Variants in PCOLCE observed in about 807,000 individuals in gnomAD.
PCOLCE encodes the protein procollagen C-endopeptidase enhancer, also known as procollagen C-endopeptidase enhancer 1.
PCOLCE carries 33 observed loss-of-function variants against 47.2 expected under a neutral mutation model. The ratio of observed to expected loss-of-function variants is 0.70; its 90% CI spans 0.53 to 0.93. The LOEUF (loss-of-function observed/expected upper bound fraction) is 0.93, where lower values mean the gene tolerates loss of function less well. Ranked by LOEUF, PCOLCE falls within the 40% of genes least tolerant of loss-of-function variation. The pLI is 0.00. For missense variants in PCOLCE, 584 were observed against 585.3 expected (o/e 1.00, Z 0.02); for synonymous variants, 254 against 252.5 (o/e 1.01, Z -0.06).
At position 100,606,514 on chromosome 7, in the gene PCOLCE, G is replaced by A. The variant is rs112285224; in HGVS notation, c.824G>A (p.Arg275Gln). 9.9e-4 allele frequency: 1,595 copies of A among 1,614,018 alleles called. 1 individual carries two copies. Among genetic ancestry groups the A allele is most frequent in the Non-Finnish European group, 1.3e-3 (1,539 of 1,180,014 alleles). The stretch of plus-strand genomic sequence containing the variant: ...TCAGCCTCCTACAAGACCCTGCCGC[G>A]GGGCACTGCCAAAGAAGGGCAAGGG... ...GFSASYKTLPRGTAKEGQGPG... is the reference protein window; with the variant it reads ...GFSASYKTLPQGTAKEGQGPG... Residue 275 changes from arginine to glutamine, a missense_variant, in exon 6 of 9, where the codon CGG becomes CAG. Arg to Gln is a conservative substitution (Grantham distance 43). Transcript: ENST00000223061.
At chr7:100,607,156 T>C (rs115493240) in intron 6 of PCOLCE, among the ~76,000 whole-genome samples, 3,117 of 151,022 alleles carry the variant, frequency 0.021, 108 homozygotes, top group African/African-American at 0.073. Flanking sequence ...GGTGGGAGGA[T>C]TGCTTGAGCT....
Position 100,605,873 on chromosome 7 carries a change from T to G in PCOLCE, c.725+61T>G. 1 of 1,515,212 alleles carries G rather than the reference T, an allele frequency of 6.6e-7. No individual in the cohort carries two copies. Among genetic ancestry groups the G allele is most frequent in the Admixed American group, 2.0e-5 (1 of 49,652 alleles). 93.9% of individuals were successfully genotyped at this position (1,515,212 alleles called of 1,614,324 possible). A position where few individuals can be genotyped will look rare whatever the true frequency, so the allele number is the denominator to read the frequency against. ...TCGGCGGACCGCACGCACGCGGCTG[T>G]TTGGAGGGGCGGGGTTCAGCTAAAG... On this transcript the variant is annotated intron_variant, in intron 5 of 8. Coordinates refer to ENST00000223061, the MANE Select transcript of PCOLCE (RefSeq NM_002593.4). The surrounding 1 kb of genome is among the most constrained non-coding windows in gnomAD (Gnocchi z 6.1).
rs1802746922 is a variant in PCOLCE at position 100,607,981 on chromosome 7, C to A, written c.1228C>A (p.Pro410Thr). 1 of 1,614,104 alleles carries A rather than the reference C, an allele frequency of 6.2e-7. No homozygotes were observed. Among genetic ancestry groups the A allele is most frequent in the African/African-American group, 1.3e-5 (1 of 75,036 alleles). Reference sequence around the variant, plus strand: ...GGGCCAGGTAGAAGAGAACAGAGGCCCCGTCCTTCCTCCAGAGAGCTTTGT... The same window carrying A: ...GGGCCAGGTAGAAGAGAACAGAGGCACCGTCCTTCCTCCAGAGAGCTTTGT... ...LMGQVEENRG[P>T]VLPPESFVVL... Residue 410 changes from proline (P) to threonine (T), a missense_variant, in exon 9 of 9, where the codon CCC (proline) becomes ACC (threonine). Physicochemically the swap from Pro to Thr is conservative, Grantham distance 38 (BLOSUM62 -1). Transcript: ENST00000223061.
In PCOLCE at chr7:100,605,320, C is replaced by A; in HGVS notation, c.588+105C>A. ...GATCTGCTGTGTCCCGAGCACTGCG[C>A]TTGCGCTGGTGGGCACCCAAAACAG... On this transcript the variant is annotated intron_variant, in intron 4 of 8. Transcript: ENST00000223061. The surrounding 1 kb of genome is among the most constrained non-coding windows in gnomAD (Gnocchi z 6.1). 2 of 1,248,326 alleles carry A rather than the reference C, an allele frequency of 1.6e-6. No individual in the cohort carries two copies. The highest frequency in any genetic ancestry group is 1.5e-5 in the African/African-American group (1 of 66,512). 77.3% of individuals were successfully genotyped at this position (1,248,326 alleles called of 1,614,324 possible).
In PCOLCE at chr7:100,607,823, G is replaced by C. The variant is rs1195830354; in HGVS notation, c.1183+16G>C. The C allele has an allele frequency of 1.9e-6, 3 of 1,613,984 alleles. No homozygotes were observed. The highest frequency in any genetic ancestry group is 2.5e-6 in the Non-Finnish European group (3 of 1,179,960). ...ATGAAGAAAGGTAACAGAGATGTGG[G>C]GAAATGGGGATGGGTCAAGCTAAGC... On this transcript the variant is annotated intron_variant, in intron 8 of 8. Transcript: ENST00000223061.
rs754840717 is a variant in PCOLCE, at chr7:100,607,740, T to C, written c.1116T>C (p.Pro372=). ...ATAAAACTGGAGGACTGGACCTGCCTTCTCCACCCACTGGTGCCTCCCTGA... is the reference window on the plus strand; with the variant it reads ...ATAAAACTGGAGGACTGGACCTGCCCTCTCCACCCACTGGTGCCTCCCTGA... ...GAYKTGGLDL[P]SPPTGASLKF... is the part of the protein sequence containing the mutation. The change falls in exon 8 of 9, where the codon CCT becomes CCC. Residue 372 remains proline, a synonymous_variant. Coordinates refer to ENST00000223061, the MANE Select transcript of PCOLCE (RefSeq NM_002593.4). 1.9e-6 allele frequency: 3 copies of C among 1,614,086 alleles called. No individual in the cohort carries two copies. Among genetic ancestry groups the C allele is most frequent in the Admixed American group, 1.7e-5 (1 of 59,990 alleles).
chr7:100,606,584 C>A lies in PCOLCE; in HGVS notation c.894C>A (p.Pro298=), dbSNP rs759378880. 3 of 1,613,844 alleles carry A rather than the reference C, an allele frequency of 1.9e-6. No individual in the cohort carries two copies. Among genetic ancestry groups the A allele is most frequent in the East Asian group, 2.2e-5 (1 of 44,874 alleles). ...CTGAGCCTAAAGTCAAGCTGCCCCC[C>A]AAGTCCCAACCTCCGGAGAAAACAG... is the stretch of plus-strand genomic sequence containing the variant. ...RGTEPKVKLP[P]KSQPPEKTEE... Residue 298 remains proline (P), a synonymous_variant, in exon 6 of 9, where the codon CCC becomes CCA. Transcript: ENST00000223061.
rs1422318401 is a variant in PCOLCE, at chr7:100,604,375, C to T, written c.463+158C>T. 1.1e-5 allele frequency: 7 copies of T among 637,816 alleles called. No homozygotes were observed. In the East Asian group the frequency reaches 1.6e-4, roughly 15 times the overall value. The allele number at this position is 637,816 out of a possible 1,614,324, so 39.5% of individuals were successfully genotyped here. On this transcript the variant is annotated intron_variant, in intron 3 of 8. Transcript: ENST00000223061. The surrounding 1 kb of genome is among the most constrained non-coding windows in gnomAD (Gnocchi z 6.4). Reference sequence around the variant, plus strand: ...TTCCTCACTAACCGCCCCTTCAGTCCCTCCTCCCCGTCTTCTCTCCCCTCC... The same window carrying T: ...TTCCTCACTAACCGCCCCTTCAGTCTCTCCTCCCCGTCTTCTCTCCCCTCC...
chr7:100,605,610 TAGG>T lies in PCOLCE; in HGVS notation c.589-63_589-61del. ...AGTGGGAGCTGCTGCAGGCACCCAG[TAGG>T]AGATGAGGTGCAGGCGCCCAGGGGT... On this transcript the variant is annotated intron_variant, in intron 4 of 8. Transcript: ENST00000223061. The surrounding 1 kb of genome is among the most constrained non-coding windows in gnomAD (Gnocchi z 6.1). 2 of 1,526,576 alleles carry T rather than the reference TAGG, an allele frequency of 1.3e-6. No homozygotes were observed. Among genetic ancestry groups the T allele is most frequent in the Non-Finnish European group, 1.8e-6 (2 of 1,132,828 alleles). The allele number at this position is 1,526,576 out of a possible 1,614,324, so 94.6% of individuals were successfully genotyped here. A position where few individuals can be genotyped will look rare whatever the true frequency, so the allele number is the denominator to read the frequency against.
At position 100,602,413 on chromosome 7, in the gene PCOLCE, T is replaced by G. The variant is rs1169506166; in HGVS notation, c.-44T>G. 5 of 1,293,954 alleles carry G rather than the reference T, an allele frequency of 3.9e-6. No individual in the cohort carries two copies. The highest frequency in any genetic ancestry group is 5.6e-6 in the Non-Finnish European group (5 of 892,564). The allele number at this position is 1,293,954 out of a possible 1,614,324, so 80.2% of individuals were successfully genotyped here. On this transcript the variant is annotated 5_prime_UTR_variant, in exon 1 of 9. Transcript: ENST00000223061. ...CTGCTGCTGCTCTGCAAAATTCAGC[T>G]GCTGCCTCTGTCTTGAGGACCCCAG...
chr7:100,603,921 C>T, intron 2 of PCOLCE, 38 bp from the exon 3 acceptor site: 1 of 1,591,350 alleles, frequency 6.3e-7, no homozygotes, highest in Non-Finnish European at 8.5e-7. Context: ...TGTGTGGGGC[C>T]TGACTCTGTG....
intron 2 of PCOLCE, 90 bp from the exon 3 acceptor site, chr7:100,603,869 G>T (rs1224135188): frequency 1.4e-6 from 2 of 1,473,468 alleles, no homozygotes; most frequent in South Asian, 1.3e-5. Flanking sequence ...GTCCGTTTCT[G>T]CAAGAAACGC....
At chr7:100,602,996 C>CATGAAAA in intron 1 of PCOLCE, 16 of 221,056 alleles carry the variant, frequency 7.2e-5, no homozygotes, top group South Asian at 6.7e-4. Context: ...CCTCCAGGTT[C>CATGAAAA]AATCAGAGGG....
At chr7:100,603,886 C>T in intron 2 of PCOLCE, 73 bp from the exon 3 acceptor site, 1 of 1,541,332 alleles carries the variant, frequency 6.5e-7, no homozygotes, top group South Asian at 1.2e-5. Context: ...ACGCTTGGGG[C>T]AGGGGAGCTG....
chr7:100,603,914 G>A, intron 2 of PCOLCE, 45 bp from the exon 3 acceptor site: 5 of 1,586,614 alleles, frequency 3.2e-6, no homozygotes, highest in Non-Finnish European at 4.3e-6. Context: ...GCTGGGTTGT[G>A]TGGGGCCTGA....
intron 7 of PCOLCE, 57 bp downstream of exon 7, chr7:100,607,580 C>T (rs1037692424): frequency 1.2e-6 from 2 of 1,608,748 alleles, no homozygotes; most frequent in Non-Finnish European, 8.5e-7. Context: ...CTTCTGTTTC[C>T]AGTCCTGCCA....
In PCOLCE at chr7:100,603,985, CTCATT is replaced by C; in HGVS notation, c.232_236del (p.Ser78ProfsTer56). The stretch of plus-strand genomic sequence containing the variant: ...TCCCCGAGGGCCAGACTGTGTCCCT[CTCATT>C]CCGAGTCTTCGACCTGGAGCTGCAC... On this transcript the variant is annotated frameshift_variant, in exon 3 of 9. Transcript: ENST00000223061. LOFTEE classifies it high-confidence loss of function. The C allele has an allele frequency of 1.2e-6, 2 of 1,602,928 alleles. No homozygotes were observed. The highest frequency in any genetic ancestry group is 1.7e-6 in the Non-Finnish European group (2 of 1,179,928).
rs538448756 is a variant in PCOLCE, at chr7:100,607,791, C to T, written c.1167C>T (p.Cys389=). ...AGTTTTACGTGCCTTGCAAGCAGTG[C>T]CCCCCCATGAAGAAAGGTAACAGAG... is the stretch of plus-strand genomic sequence containing the variant. ...SLKFYVPCKQ[C]PPMKKGVSYL... is the part of the protein sequence containing the mutation. Residue 389 remains cysteine, a synonymous_variant, in exon 8 of 9, where the codon TGC becomes TGT. Coordinates refer to ENST00000223061, the MANE Select transcript of PCOLCE (RefSeq NM_002593.4). 2.7e-5 allele frequency: 43 copies of T among 1,613,758 alleles called. No homozygotes were observed. In the South Asian group the frequency reaches 3.7e-4, roughly 14 times the overall value.
chr7:100,603,700 A>G, intron 2 of PCOLCE, 162 bp downstream of exon 2: 1 of 603,498 alleles, frequency 1.7e-6, no homozygotes. Context: ...CCACCGTAAC[A>G]CGCATCATCT....
Sources: gnomAD v4.1 joint callset for allele counts (sites outside exome capture counted in the v4.1 genomes callset) on GRCh38, gnomAD v4.1.1 for gene constraint, Gnocchi (gnomAD v3.1) non-coding constraint, MANE v1.5 for transcripts, NCBI Gene and HGNC (gene_info 2026-07-23, HGNC 2026-07-21) for gene names.